The following ANO1 variants were observed in gnomAD, a reference collection of about 807,000 sequenced individuals.
ANO1 encodes the protein anoctamin 1.
Under a neutral mutation model 124.0 loss-of-function variants are expected in ANO1, and 59 were observed. The ratio of observed to expected loss-of-function variants is 0.48; its 90% CI spans 0.39 to 0.59. The LOEUF is 0.59. ANO1 is among the 20% of genes least tolerant of loss of function. ANO1 has a pLI of 0.00. For synonymous variants in ANO1, 529 were observed against 532.0 expected, an observed-to-expected ratio of 0.99 and a Z score of 0.08; for missense variants, 1,059 against 1,328.0, an observed-to-expected ratio of 0.80 and a Z score of 3.15.
intron 8 of ANO1, among the ~76,000 whole-genome samples, chr11:70,120,998 C>T (rs2046240042): frequency 6.6e-6 from 1 of 152,184 alleles, no homozygotes; most frequent in South Asian, 2.1e-4. Flanking sequence ...TGCAGAGTGA[C>T]TGATGTCGCC....
At chr11:70,128,722 C>T (rs1231476064) in intron 10 of ANO1, among the ~76,000 whole-genome samples, 1 of 152,252 alleles carries the variant, frequency 6.6e-6, no homozygotes, top group Non-Finnish European at 1.5e-5. Context: ...CTTGTACCTC[C>T]GGTCCTCTCT....
chr11:70,110,053 T>C (rs2045708341), intron 6 of ANO1, among the ~76,000 whole-genome samples: 3 of 151,816 alleles, frequency 2.0e-5, no homozygotes. Flanking sequence ...TTAGGAACTG[T>C]GATGAGAGAA....
intron 6 of ANO1, among the ~76,000 whole-genome samples, chr11:70,110,466 G>A (rs1052386994): frequency 2.6e-5 from 4 of 152,106 alleles, no homozygotes; most frequent in African/African-American, 4.8e-5. Flanking sequence ...GATTACAGGC[G>A]TGAGCCACTG....
rs1048782652 is a variant in ANO1 at position 70,187,638 on chromosome 11, G to A, written c.2695-100G>A. On this transcript the variant is annotated intron_variant, in intron 25 of 25. Transcript: ENST00000355303. ...CAGGGAGGTCAATGGGCCAGGAGGTGGTGGGGTGGCACTCCACCAGATGGG... is the reference window on the plus strand; with the variant it reads ...CAGGGAGGTCAATGGGCCAGGAGGTAGTGGGGTGGCACTCCACCAGATGGG... 3 of 1,424,244 alleles carry A rather than the reference G, an allele frequency of 2.1e-6. No homozygotes were observed. In the East Asian group the frequency reaches 7.5e-5, roughly 36 times the overall value. The allele number at this position is 1,424,244 out of a possible 1,614,324, so 88.2% of individuals were successfully genotyped here. A position where few individuals can be genotyped will look rare whatever the true frequency, so the allele number is the denominator to read the frequency against.
intron 1 of ANO1, among the ~76,000 whole-genome samples, chr11:70,007,540 A>G (rs1555000298): frequency 6.6e-6 from 1 of 152,142 alleles, no homozygotes; most frequent in African/African-American, 2.4e-5. Flanking sequence ...TTGGCCTCCC[A>G]AAGTGCTGGG....
intron 1 of ANO1, among the ~76,000 whole-genome samples, chr11:70,053,218 T>C (rs1158303990): frequency 9.2e-5 from 14 of 152,222 alleles, no homozygotes; most frequent in African/African-American, 3.4e-4. Flanking sequence ...AATCATGCTT[T>C]TGGGGATAAA....
rs762481334 is a variant in ANO1, at chr11:70,161,206, A to G, written c.1624A>G (p.Ile542Val). 4.3e-6 allele frequency: 7 copies of G among 1,613,614 alleles called. No individual in the cohort carries two copies. Among genetic ancestry groups the G allele is most frequent in the Non-Finnish European group, 5.9e-6 (7 of 1,179,808 alleles). The change falls in exon 17 of 26, where the codon ATC becomes GTC. Residue 542 changes from isoleucine to valine, a missense_variant. Around this residue, in one of 2 missense-constraint regions of ANO1, gnomAD observed 809 missense variants for 1,094.9 expected, o/e 0.74. Transcript: ENST00000355303. Reference sequence around the variant, plus strand: ...CGTCCTCGGCGTCATCATCTACAGAATCTCCATGGCCGCCGCCTTGGCCAT... The same window carrying G: ...CGTCCTCGGCGTCATCATCTACAGAGTCTCCATGGCCGCCGCCTTGGCCAT... ...AIVLGVIIYR[I>V]SMAAALAMNS...
chr11:70,027,999 G>A (rs1856939106), intron 1 of ANO1, among the ~76,000 whole-genome samples: 1 of 152,162 alleles, frequency 6.6e-6, no homozygotes, highest in Admixed American at 6.5e-5. Flanking sequence ...AAGTACACCC[G>A]TGGGTTTTTT....
chr11:70,165,526 G>A lies in ANO1; in HGVS notation c.2007G>A (p.Leu669=). Residue 669 remains leucine, a synonymous_variant, in exon 20 of 26, where the codon CTG becomes CTA. Coordinates refer to ENST00000355303, the MANE Select transcript of ANO1 (RefSeq NM_018043.7). ...ELCIQLSIIM[L]GKQLIQNNLF... The stretch of plus-strand genomic sequence containing the variant: ...GCATCCAGCTCAGCATCATCATGCT[G>A]GGGAAACAGCTGATCCAGAACAACC... 1 of 1,612,310 alleles carries A rather than the reference G, an allele frequency of 6.2e-7. No homozygotes were observed. The highest frequency in any genetic ancestry group is 8.5e-7 in the Non-Finnish European group (1 of 1,179,350).
At chr11:70,090,249 C>T (rs796385954) in intron 2 of ANO1, among the ~76,000 whole-genome samples, 2 of 152,188 alleles carry the variant, frequency 1.3e-5, no homozygotes, top group Admixed American at 6.5e-5. Context: ...TCTCGTGGTC[C>T]GCCCGCCTTG....
At chr11:70,006,663 C>CTT (rs56851839) in intron 1 of ANO1, among the ~76,000 whole-genome samples, 12 of 88,992 alleles carry the variant, frequency 1.3e-4, no homozygotes, top group African/African-American at 2.1e-4. Flanking sequence ...TTTCTTCTTT[C>CTT]TTTTTTTTTT....
intron 2 of ANO1, among the ~76,000 whole-genome samples, chr11:70,089,625 GA>G (rs1324966909): frequency 6.6e-6 from 1 of 152,158 alleles, no homozygotes; most frequent in Non-Finnish European, 1.5e-5. Context: ...GAGGGCAGGT[GA>G]GGAGCCTTAC....
rs7937544 is a variant in ANO1 at position 70,053,971 on chromosome 11, A to G, written c.59-24571A>G. Among the ~76,000 whole-genome samples, 466 of 152,338 alleles carry G rather than the reference A, an allele frequency of 3.1e-3. 3 individuals carry two copies. Among genetic ancestry groups the G allele is most frequent in the African/African-American group, 0.011 (439 of 41,570 alleles). ...GATTTTCCAATGTATTTGAATAGTTATTAATAATGTACTGACATTATCTTT... is the reference window on the plus strand; with the variant it reads ...GATTTTCCAATGTATTTGAATAGTTGTTAATAATGTACTGACATTATCTTT... On this transcript the variant is annotated intron_variant, in intron 1 of 27. Coordinates refer to the ANO1 transcript ENST00000531349.
At chr11:70,051,128 T>A (rs1555006237) in intron 1 of ANO1, among the ~76,000 whole-genome samples, 1 of 152,198 alleles carries the variant, frequency 6.6e-6, no homozygotes, top group Non-Finnish European at 1.5e-5. Context: ...CAGATCAAGC[T>A]AAAGAACATT....
chr11:70,134,028 GCTT>G (rs1177811567), intron 11 of ANO1, among the ~76,000 whole-genome samples: 14 of 152,200 alleles, frequency 9.2e-5, no homozygotes, highest in Admixed American at 3.3e-4. Context: ...CCATTTAGAT[GCTT>G]TGTGGACGGC....
chr11:70,103,036 CT>C (rs1321849689), intron 2 of ANO1, 29 bp from the exon 3 acceptor site: 2 of 1,549,326 alleles, frequency 1.3e-6, no homozygotes, highest in Non-Finnish European at 8.8e-7. Flanking sequence ...ACCGCCCCCC[CT>C]CAACCCAGAA....
intron 20 of ANO1, among the ~76,000 whole-genome samples, chr11:70,166,336 TA>T: frequency 6.6e-6 from 1 of 151,780 alleles, no homozygotes; most frequent in East Asian, 1.9e-4. Flanking sequence ...AAATAAATAA[TA>T]AAAAACATTA....
At chr11:70,149,998 ACTCCCTGTCTGCTGAAGTGTTTT>A (rs2047538629) in intron 12 of ANO1, 8 of 676,052 alleles carry the variant, frequency 1.2e-5, no homozygotes, top group South Asian at 1.1e-4. Flanking sequence ...CAAAGTGACC[ACTCCCTGTCTGCTGAAGTGTTTT>A]CATCCCCATG....
At chr11:69,985,194 C>G (rs1856012934), upstream of ANO1, among the ~76,000 whole-genome samples, 1 of 152,234 alleles carries the variant, frequency 6.6e-6, no homozygotes, top group South Asian at 2.1e-4. Context: ...TGCCTCGTCC[C>G]TGGATGCACC....
Sources: allele counts gnomAD v4.1 joint callset (sites outside exome capture counted in the v4.1 genomes callset), GRCh38; gene constraint gnomAD v4.1.1; regional missense constraint gnomAD v4.1.1; transcripts MANE v1.5; gene names NCBI Gene and HGNC (gene_info 2026-07-23, HGNC 2026-07-21).